TULP4: variants seen among roughly 807,000 people sequenced by gnomAD.
TULP4 encodes the protein tubby-related protein 4.
TULP4 carries 16 observed loss-of-function variants against 129.0 expected under a neutral mutation model. That is an observed-to-expected ratio of 0.12 (90% CI 0.08 to 0.19). The LOEUF is 0.19. Ranked by LOEUF, TULP4 falls within the 10% of genes least tolerant of loss-of-function variation. The pLI is 1.00. For missense variants in TULP4, 1,842 were observed against 2,059.1 expected, an observed-to-expected ratio of 0.89 and a Z score of 2.04; for synonymous variants, 998 against 854.0, an observed-to-expected ratio of 1.17 and a Z score of -2.94.
chr6:158,286,326 G>T (rs771810808), intron 1 of TULP4, among the ~76,000 whole-genome samples: 3 of 152,170 alleles, frequency 2.0e-5, no homozygotes, highest in Non-Finnish European at 2.9e-5. Flanking sequence ...CTGGAATATG[G>T]AATGTGGTGG....
chr6:158,377,619 G>A (rs997723285), intron 1 of TULP4, among the ~76,000 whole-genome samples: 1 of 152,196 alleles, frequency 6.6e-6, no homozygotes, highest in Non-Finnish European at 1.5e-5. Flanking sequence ...TGAGAATATG[G>A]AGATGAGCAT....
chr6:158,323,087 A>G (rs538782322), intron 1 of TULP4, among the ~76,000 whole-genome samples: 8 of 152,184 alleles, frequency 5.3e-5, no homozygotes, highest in Non-Finnish European at 1.2e-4. Context: ...TAAGCATGTG[A>G]CTGTACTCAC....
At chr6:158,317,790 A>G (rs10945539) in intron 1 of TULP4, among the ~76,000 whole-genome samples, 2 of 152,022 alleles carry the variant, frequency 1.3e-5, no homozygotes, top group Non-Finnish European at 2.9e-5. Context: ...TAAAAGCGTT[A>G]CTATTTCTCC....
At chr6:158,380,106 C>G (rs577682396) in intron 1 of TULP4, among the ~76,000 whole-genome samples, 1 of 152,170 alleles carries the variant, frequency 6.6e-6, no homozygotes, top group Non-Finnish European at 1.5e-5. Flanking sequence ...TGCCTAGGTC[C>G]GACAAAGAGT....
chr6:158,300,013 G>A (rs1279274588), intron 1 of TULP4, among the ~76,000 whole-genome samples: 1 of 152,194 alleles, frequency 6.6e-6, no homozygotes, highest in African/African-American at 2.4e-5. Context: ...ATTAGTTAGA[G>A]GGGTCTCTGT....
chr6:158,264,495 A>G (rs1778414173), intron 1 of TULP4, among the ~76,000 whole-genome samples: 1 of 152,154 alleles, frequency 6.6e-6, no homozygotes, highest in African/African-American at 2.4e-5. Flanking sequence ...CTCTCCAGAA[A>G]ATGTGACTTG....
chr6:158,271,208 G>A (rs768648595), intron 1 of TULP4, among the ~76,000 whole-genome samples: 3 of 148,112 alleles, frequency 2.0e-5, no homozygotes, highest in Non-Finnish European at 3.0e-5. Context: ...GCAGTTTTAT[G>A]TTAGTCACTG....
intron 2 of TULP4, among the ~76,000 whole-genome samples, chr6:158,424,622 T>A (rs1455599131): frequency 1.3e-5 from 2 of 152,174 alleles, no homozygotes; most frequent in South Asian, 4.1e-4. Flanking sequence ...AATAAATAGT[T>A]GTTGTATTAT....
At chr6:158,416,570 T>C (rs1434368405) in intron 2 of TULP4, among the ~76,000 whole-genome samples, 2 of 152,234 alleles carry the variant, frequency 1.3e-5, no homozygotes, top group African/African-American at 4.8e-5. Flanking sequence ...AAAAAAAGTA[T>C]CAAACTTCTT....
intron 1 of TULP4, among the ~76,000 whole-genome samples, chr6:158,410,543 T>C (rs1412561591): frequency 1.3e-5 from 2 of 152,236 alleles, no homozygotes; most frequent in Non-Finnish European, 1.5e-5. Context: ...CATGTTCTAT[T>C]CCACAGTGGC....
At chr6:158,455,936 G>A (rs891928103) in intron 5 of TULP4, among the ~76,000 whole-genome samples, 1 of 152,124 alleles carries the variant, frequency 6.6e-6, no homozygotes, top group African/African-American at 2.4e-5. Flanking sequence ...GCATAGAAAT[G>A]TATTAATGTG....
At chr6:158,246,013 AC>A (rs1778022062) in intron 1 of TULP4, among the ~76,000 whole-genome samples, 1 of 133,624 alleles carries the variant, frequency 7.5e-6, no homozygotes, top group Admixed American at 7.8e-5. Context: ...TAATTTGCCT[AC>A]CCCTTAGGGG....
chr6:158,393,628 C>T (rs1479161987), intron 1 of TULP4, among the ~76,000 whole-genome samples: 1 of 152,230 alleles, frequency 6.6e-6, no homozygotes, highest in Non-Finnish European at 1.5e-5. Context: ...GGCTTGTTCC[C>T]TCTGAAGCAA....
chr6:158,365,444 A>C (rs1780912817), intron 1 of TULP4, among the ~76,000 whole-genome samples: 1 of 147,182 alleles, frequency 6.8e-6, no homozygotes, highest in Non-Finnish European at 1.5e-5. Context: ...TCTCTTTGGA[A>C]GTTTTTTTTT....
intron 1 of TULP4, among the ~76,000 whole-genome samples, chr6:158,351,280 C>G (rs903740047): frequency 3.3e-5 from 5 of 152,160 alleles, no homozygotes; most frequent in African/African-American, 1.2e-4. Flanking sequence ...TGCCTTGTGG[C>G]TCAGCCTGTG....
At chr6:158,386,448 G>GATAT (rs1255947214) in intron 1 of TULP4, among the ~76,000 whole-genome samples, 1 of 152,110 alleles carries the variant, frequency 6.6e-6, no homozygotes, top group African/African-American at 2.4e-5. Flanking sequence ...AGTACTAATA[G>GATAT]ATATATACTG....
intron 1 of TULP4, among the ~76,000 whole-genome samples, chr6:158,297,449 A>G (rs1421438481): frequency 6.6e-6 from 1 of 152,150 alleles, no homozygotes; most frequent in Admixed American, 6.5e-5. Context: ...GGTGATGTAC[A>G]TCCTCAGCTT....
chr6:158,493,539 G>A lies in TULP4; in HGVS notation c.1632-34G>A, dbSNP rs759333202. On this transcript the variant is annotated intron_variant, in intron 9 of 13. Transcript: ENST00000367097. This position sits in a 1 kb window ranked among gnomAD's most constrained non-coding sequence, Gnocchi z 4.4. The stretch of plus-strand genomic sequence containing the variant: ...GGGCCATGCTCACCATTCCCGCCAC[G>A]GATGCCTGACCCCTCCTGGCCTTGC... 9 of 1,438,658 alleles carry A rather than the reference G, an allele frequency of 6.3e-6. No individual in the cohort carries two copies. Among genetic ancestry groups the A allele is most frequent in the Admixed American group, 5.6e-5 (2 of 35,600 alleles). 89.1% of individuals were successfully genotyped at this position (1,438,658 alleles called of 1,614,324 possible).
At chr6:158,437,251 T>C (rs912032542) in intron 3 of TULP4, among the ~76,000 whole-genome samples, 2 of 152,242 alleles carry the variant, frequency 1.3e-5, no homozygotes, top group Non-Finnish European at 2.9e-5. Context: ...TTTTAATTCA[T>C]TTATTTCAAA....
Sources: gnomAD v4.1 joint callset for allele counts (sites outside exome capture counted in the v4.1 genomes callset) on GRCh38, gnomAD v4.1.1 for gene constraint, Gnocchi (gnomAD v3.1) non-coding constraint, MANE v1.5 for transcripts, NCBI Gene and HGNC (gene_info 2026-07-23, HGNC 2026-07-21) for gene names.